ACTA1: variants seen among roughly 807,000 people sequenced by gnomAD.
ACTA1 encodes the protein actin alpha 1, skeletal muscle, also known as actin, alpha skeletal muscle.
In ACTA1, 25 loss-of-function variants were observed where a neutral mutation model predicts 35.8. The ratio of observed to expected loss-of-function variants is 0.70; its 90% CI spans 0.51 to 0.97. ACTA1 has a LOEUF of 0.97. Among genes scored for constraint, ACTA1 ranks in the 50% least tolerant of loss-of-function variants. The probability of loss-of-function intolerance (pLI) is 0.00; values close to 1 mark genes in which losing one functional copy is unlikely to be tolerated. For missense variants in ACTA1, 174 were observed against 533.0 expected (o/e 0.33, Z 6.63); for synonymous variants, 219 against 217.1 (o/e 1.01, Z -0.08).
Position 229,431,936 on chromosome 1 carries a change from T to C in ACTA1, c.809-34A>G. 6.2e-7 allele frequency: 1 copy of C among 1,608,678 alleles called. No homozygotes were observed. The highest frequency in any genetic ancestry group is 8.5e-7 in the Non-Finnish European group (1 of 1,177,456). On this transcript the variant is annotated intron_variant, in intron 5 of 6. Coordinates refer to ENST00000366684, the MANE Select transcript of ACTA1 (RefSeq NM_001100.4). The surrounding 1 kb of genome is among the most constrained non-coding windows in gnomAD (Gnocchi z 7.1). ...CGCGGCGGGGAGCGTGAGCAGAAGC[T>C]CGGGGCGCCGGGGGCCGGCGGGGCC...
Position 229,432,263 on chromosome 1 carries a change from C to T in ACTA1, c.616+7G>A, listed in dbSNP as rs769533594. On this transcript the variant is annotated splice_region_variant and intron_variant, in intron 4 of 6. Coordinates refer to ENST00000366684, the MANE Select transcript of ACTA1 (RefSeq NM_001100.4). ...CCTCCCGCCCGGGGTGCAGGGGCGC[C>T]GCGCACCTGTGGTCACGAAGGAGTA... The T allele has an allele frequency of 8.7e-6, 14 of 1,613,482 alleles. No individual in the cohort carries two copies. The highest frequency in any genetic ancestry group is 1.2e-5 in the Non-Finnish European group (14 of 1,179,756).
In ACTA1 at chr1:229,431,937, C is replaced by G. The variant is rs745986816; in HGVS notation, c.809-35G>C. The G allele has an allele frequency of 3.7e-6, 4 of 1,086,252 alleles. No individual in the cohort carries two copies. The highest frequency in any genetic ancestry group is 3.1e-4 in the Middle Eastern group (1 of 3,258). The allele number at this position is 1,086,252 out of a possible 1,614,324, so 67.3% of individuals were successfully genotyped here. A position where few individuals can be genotyped will look rare whatever the true frequency, so the allele number is the denominator to read the frequency against. The stretch of plus-strand genomic sequence containing the variant: ...GCGGCGGGGAGCGTGAGCAGAAGCT[C>G]GGGGCGCCGGGGGCCGGCGGGGCCT... On this transcript the variant is annotated intron_variant, in intron 5 of 6. Transcript: ENST00000366684. This position sits in a 1 kb window ranked among gnomAD's most constrained non-coding sequence, Gnocchi z 7.1.
Position 229,432,879 on chromosome 1 carries a change from C to T in ACTA1, c.131G>A (p.Gly44Asp), listed in dbSNP as rs1558082125. The T allele has an allele frequency of 1.2e-6, 2 of 1,614,188 alleles. No homozygotes were observed. Among genetic ancestry groups the T allele is most frequent in the Non-Finnish European group, 1.7e-6 (2 of 1,180,016 alleles). The part of the protein sequence containing the change: ...PSIVGRPRHQ[G>D]VMVGMGQKDS... ...TTTCTGACCCATACCGACCATGACG[C>T]CCTGCAGAGCCGAGACACCACGCAC... The change falls in exon 3 of 7, where the codon GGC (glycine) becomes GAC (aspartate). Residue 44 changes from glycine to aspartate, a missense_variant and splice_region_variant. By Grantham distance (94) the Gly-to-Asp change is moderately conservative (BLOSUM62 -1). Transcript: ENST00000366684.
rs538086483 is a variant in ACTA1, at chr1:229,432,154, C to T, written c.648G>A (p.Glu216=). ...AEREIVRDIK[E]KLCYVALDFE... is the part of the protein sequence containing the mutation. The stretch of plus-strand genomic sequence containing the variant: ...AGTCCAGGGCCACGTAGCACAGCTT[C>T]TCCTTGATGTCGCGCACGATCTCGC... Residue 216 remains glutamate (E), a synonymous_variant, in exon 5 of 7, where the codon GAG becomes GAA. Transcript: ENST00000366684. 1 of 1,613,648 alleles carries T rather than the reference C, an allele frequency of 6.2e-7. No individual in the cohort carries two copies. The highest frequency in any genetic ancestry group is 8.5e-7 in the Non-Finnish European group (1 of 1,179,866).
At position 229,432,699 on chromosome 1, in the gene ACTA1, G is replaced by A. The variant is rs778739385; in HGVS notation, c.311C>T (p.Pro104Leu). The A allele has an allele frequency of 6.2e-7, 1 of 1,614,174 alleles. No homozygotes were observed. Among genetic ancestry groups the A allele is most frequent in the Non-Finnish European group, 8.5e-7 (1 of 1,180,018 alleles). Residue 104 changes from proline to leucine, a missense_variant, in exon 3 of 7, where the codon CCC becomes CTC. By Grantham distance (98) the Pro-to-Leu change is moderately conservative. Coordinates refer to ENST00000366684, the MANE Select transcript of ACTA1 (RefSeq NM_001100.4). ...GAGGGGGGCCTCGGTGAGCAGGGTGGGGTGCTCCTCGGGAGCCACGCGAAG... is the reference window on the plus strand; with the variant it reads ...GAGGGGGGCCTCGGTGAGCAGGGTGAGGTGCTCCTCGGGAGCCACGCGAAG... Reference protein sequence around the residue: ...NELRVAPEEHPTLLTEAPLNP... With the variant: ...NELRVAPEEHLTLLTEAPLNP...
At position 229,433,117 on chromosome 1, in the gene ACTA1, G is replaced by A. The variant is rs756128053; in HGVS notation, c.-2C>T. 22 of 1,614,140 alleles carry A rather than the reference G, an allele frequency of 1.4e-5. No homozygotes were observed. The highest frequency in any genetic ancestry group is 3.3e-5 in the South Asian group (3 of 91,084). On this transcript the variant is annotated 5_prime_UTR_variant, in exon 2 of 7. Coordinates refer to ENST00000366684, the MANE Select transcript of ACTA1 (RefSeq NM_001100.4). ...GGTGGTCTCGTCTTCGTCGCACATT[G>A]TGTCTAGTTTCTGCAAGGACAGGGA...
intron 4 of ACTA1, 27 bp downstream of exon 4, chr1:229,432,243 C>T (rs1312599028): frequency 6.2e-7 from 1 of 1,613,028 alleles, no homozygotes; most frequent in Admixed American, 1.7e-5. Context: ...CCGGCCCTCC[C>T]GCCCGGGGTG....
rs1659938091 is a variant in ACTA1 at position 229,431,672 on chromosome 1, CT to C, written c.991-31del. 1 of 1,613,818 alleles carries C rather than the reference CT, an allele frequency of 6.2e-7. No individual in the cohort carries two copies. The highest frequency in any genetic ancestry group is 8.5e-7 in the Non-Finnish European group (1 of 1,179,974). On this transcript the variant is annotated intron_variant, in intron 6 of 6. Transcript: ENST00000366684. This position sits in a 1 kb window ranked among gnomAD's most constrained non-coding sequence, Gnocchi z 7.1. The stretch of plus-strand genomic sequence containing the variant: ...AAGACAGCGCGTGAGGTGGGGAGAC[CT>C]CACCCTGGAGCCCACCCCGCCGACA...
In ACTA1 at chr1:229,433,123, A is replaced by C; in HGVS notation, c.-8T>G. ...CTCGTCTTCGTCGCACATTGTGTCT[A>C]GTTTCTGCAAGGACAGGGAGACCGC... On this transcript the variant is annotated 5_prime_UTR_variant, in exon 2 of 7. Transcript: ENST00000366684. 2 of 1,613,956 alleles carry C rather than the reference A, an allele frequency of 1.2e-6. No individual in the cohort carries two copies. Among genetic ancestry groups the C allele is most frequent in the Non-Finnish European group, 1.7e-6 (2 of 1,179,924 alleles).
chr1:229,432,090 G>GGGA lies in ACTA1; in HGVS notation c.709_711dup (p.Ser237dup). 1 of 1,613,092 alleles carries GGGA rather than the reference G, an allele frequency of 6.2e-7. No homozygotes were observed. Among genetic ancestry groups the GGGA allele is most frequent in the South Asian group, 1.1e-5 (1 of 91,026 alleles). On this transcript the variant is annotated inframe_insertion, in exon 5 of 7. Transcript: ENST00000366684. Reference sequence around the variant, plus strand: ...TCTGGCAGCTCGTAGCTCTTTTCCAGGGAGGAGGAGGAGGCGGCCGTCGCC... The same window carrying GGGA: ...TCTGGCAGCTCGTAGCTCTTTTCCAGGGAGGAGGAGGAGGAGGCGGCCGTCGCC...
In ACTA1 at chr1:229,432,975, G is replaced by A. The variant is rs754938940; in HGVS notation, c.129+12C>T. ...CCCCGAGCCGGCTCCCTCTGCGGAG[G>A]GGCAGCCTGACCTGGTGTCGGGGGC... is the stretch of plus-strand genomic sequence containing the variant. On this transcript the variant is annotated intron_variant, in intron 2 of 6. Transcript: ENST00000366684. 1.9e-6 allele frequency: 3 copies of A among 1,613,568 alleles called. No individual in the cohort carries two copies. In the South Asian group the frequency reaches 3.3e-5, roughly 18 times the overall value.
At chr1:229,432,510 G>C (rs1659969431) in intron 3 of ACTA1, 46 bp downstream of exon 3, 1 of 1,481,084 alleles carries the variant, frequency 6.8e-7, no homozygotes, top group African/African-American at 1.4e-5. Context: ...GGGGGCGGGG[G>C]CGGGGGCGGG....
At chr1:229,433,178 C>G in intron 1 of ACTA1, 51 bp from the exon 2 acceptor site, 2 of 1,600,508 alleles carry the variant, frequency 1.2e-6, no homozygotes, top group South Asian at 2.2e-5. Flanking sequence ...GCGCAGAAGT[C>G]TCAGCGGCAG....
Position 229,431,813 on chromosome 1 carries a change from C to G in ACTA1, c.898G>C (p.Val300Leu). The G allele has an allele frequency of 6.2e-7, 1 of 1,614,208 alleles. No homozygotes were observed. Among genetic ancestry groups the G allele is most frequent in the East Asian group, 2.2e-5 (1 of 44,876 alleles). Residue 300 changes from valine (V) to leucine (L), a missense_variant, in exon 6 of 7, where the codon GTC becomes CTC. Physicochemically the swap from Val to Leu is conservative, Grantham distance 32 (BLOSUM62 1). Transcript: ENST00000366684. This position sits in a 1 kb window ranked among gnomAD's most constrained non-coding sequence, Gnocchi z 7.1. ...TACATCGTGGTGCCCCCCGACATGACGTTGTTGGCATACAGGTCCTTCCTG... is the reference window on the plus strand; with the variant it reads ...TACATCGTGGTGCCCCCCGACATGAGGTTGTTGGCATACAGGTCCTTCCTG... ...DIRKDLYANN[V>L]MSGGTTMYPG...
At position 229,431,945 on chromosome 1, in the gene ACTA1, CG is replaced by C. The variant is rs772690824; in HGVS notation, c.809-44del. 1.9e-6 allele frequency: 3 copies of C among 1,605,120 alleles called. No individual in the cohort carries two copies. The highest frequency in any genetic ancestry group is 2.6e-6 in the Non-Finnish European group (3 of 1,176,090). ...GAGCGTGAGCAGAAGCTCGGGGCGCCGGGGGCCGGCGGGGCCTGGGGGCCGG... is the reference window on the plus strand; with the variant it reads ...GAGCGTGAGCAGAAGCTCGGGGCGCCGGGGCCGGCGGGGCCTGGGGGCCGG... On this transcript the variant is annotated intron_variant, in intron 5 of 6. Coordinates refer to ENST00000366684, the MANE Select transcript of ACTA1 (RefSeq NM_001100.4). The surrounding 1 kb of genome is among the most constrained non-coding windows in gnomAD (Gnocchi z 7.1).
intron 1 of ACTA1, 87 bp from the exon 2 acceptor site, chr1:229,433,214 A>AC (rs1659991953): frequency 6.4e-7 from 1 of 1,571,178 alleles, no homozygotes; most frequent in South Asian, 1.1e-5. Context: ...GCTGGCCCCG[A>AC]CGTCCTCCCT....
chr1:229,431,538 G>A lies in ACTA1; in HGVS notation c.1095C>T (p.Asp365=), dbSNP rs373908222. 1.9e-6 allele frequency: 3 copies of A among 1,613,696 alleles called. No individual in the cohort carries two copies. The South Asian group carries it at 3.3e-5, about 18-fold the overall frequency. The stretch of plus-strand genomic sequence containing the variant: ...GGTGGACGATGGAAGGGCCGGCCTC[G>A]TCGTACTCCTGCTTGGTGATCCACA... ...QQMWITKQEY[D]EAGPSIVHRK... Residue 365 remains aspartate (D), a synonymous_variant, in exon 7 of 7, where the codon GAC becomes GAT. Transcript: ENST00000366684. The surrounding 1 kb of genome is among the most constrained non-coding windows in gnomAD (Gnocchi z 7.1).
Position 229,432,184 on chromosome 1 carries a change from A to G in ACTA1, c.618T>C (p.Ala206=). 1.2e-6 allele frequency: 2 copies of G among 1,613,490 alleles called. No individual in the cohort carries two copies. The highest frequency in any genetic ancestry group is 8.5e-7 in the Non-Finnish European group (1 of 1,179,770). Residue 206 remains alanine, a splice_region_variant and synonymous_variant, in exon 5 of 7, where the codon GCT becomes GCC. Transcript: ENST00000366684. ...TGATGTCGCGCACGATCTCGCGCTCAGCTGCGGAGGGCAGAAGCAGGAGAG... is the reference window on the plus strand; with the variant it reads ...TGATGTCGCGCACGATCTCGCGCTCGGCTGCGGAGGGCAGAAGCAGGAGAG... ...TERGYSFVTT[A]EREIVRDIKE...
Sources: gnomAD v4.1 joint callset for allele counts on GRCh38, gnomAD v4.1.1 for gene constraint, Gnocchi (gnomAD v3.1) non-coding constraint, MANE v1.5 for transcripts, NCBI Gene and HGNC (gene_info 2026-07-23, HGNC 2026-07-21) for gene names.